Variants in SLCO3A1 observed in about 807,000 individuals in gnomAD.
SLCO3A1 encodes PGE1 transporter.
Under a neutral mutation model 63.1 loss-of-function variants are expected in SLCO3A1, and 27 were observed. The observed-to-expected ratio is 0.43, with a 90% CI of 0.32 to 0.59. The LOEUF is 0.59. SLCO3A1 is among the 20% of genes least tolerant of loss of function. SLCO3A1 has a pLI of 0.09. For missense variants in SLCO3A1, 773 were observed against 945.8 expected (o/e 0.82, Z 2.40); for synonymous variants, 473 against 409.9 (o/e 1.15, Z -1.86).
intron 7 of SLCO3A1, among the ~76,000 whole-genome samples, chr15:92,146,494 C>G (rs751829444): frequency 6.6e-6 from 1 of 152,238 alleles, no homozygotes. Flanking sequence ...TGACTTCACG[C>G]GTGACAGCGT....
Position 91,953,864 on chromosome 15 carries a change from G to A in SLCO3A1, c.646+37406G>A, listed in dbSNP as rs112110916. On this transcript the variant is annotated intron_variant, in intron 2 of 9. Coordinates refer to ENST00000318445, the MANE Select transcript of SLCO3A1 (RefSeq NM_013272.4). Reference sequence around the variant, plus strand: ...ATCCAACAGTGTCTTGTGTTGATTCGTCTTTGGAACTATATCTTCCTTCTG... The same window carrying A: ...ATCCAACAGTGTCTTGTGTTGATTCATCTTTGGAACTATATCTTCCTTCTG... Among the ~76,000 whole-genome samples the A allele has an allele frequency of 3.9e-3, 598 of 152,232 alleles. 7 individuals carry two copies. The highest frequency in any genetic ancestry group is 0.014 in the African/African-American group (578 of 41,532).
rs575682048 is a variant in SLCO3A1, at chr15:91,854,139, C to G, written c.180+51C>G. The G allele has an allele frequency of 1.0e-4, 135 of 1,344,460 alleles. 4 individuals carry two copies. In the South Asian group the frequency reaches 2.2e-3, roughly 22 times the overall value. The allele number at this position is 1,344,460 out of a possible 1,614,324, so 83.3% of individuals were successfully genotyped here. On this transcript the variant is annotated intron_variant, in intron 1 of 9. Coordinates refer to ENST00000318445, the MANE Select transcript of SLCO3A1 (RefSeq NM_013272.4). The surrounding 1 kb of genome is among the most constrained non-coding windows in gnomAD (Gnocchi z 6.4). ...CGGGCCCCTTCCCCAGCCCGGCTCT[C>G]GAGCGGCCGCCTGGCCCGACGAGGG...
rs114569994 is a variant in SLCO3A1 at position 92,067,114 on chromosome 15, C to T, written c.647-27767C>T. Reference sequence around the variant, plus strand: ...GAGGACCAGTCTCACTGATGGCAACCAGGAGGTATGTTTTTGCAGGCCATC... The same window carrying T: ...GAGGACCAGTCTCACTGATGGCAACTAGGAGGTATGTTTTTGCAGGCCATC... On this transcript the variant is annotated intron_variant, in intron 2 of 9. Coordinates refer to ENST00000318445, the MANE Select transcript of SLCO3A1 (RefSeq NM_013272.4). 2.4e-3 allele frequency among the ~76,000 whole-genome samples: 360 copies of T among 152,254 alleles called. 3 individuals are homozygous for T. Among genetic ancestry groups the T allele is most frequent in the African/African-American group, 7.7e-3 (320 of 41,534 alleles).
intron 2 of SLCO3A1, among the ~76,000 whole-genome samples, chr15:91,970,589 G>C (rs1900822891): frequency 6.6e-6 from 1 of 152,172 alleles, no homozygotes; most frequent in Admixed American, 6.5e-5. Context: ...CCAGCTCCCA[G>C]GGACTCACAA....
intron 2 of SLCO3A1, among the ~76,000 whole-genome samples, chr15:91,919,276 G>A (rs560120665): frequency 1.0e-3 from 152 of 152,336 alleles, no homozygotes; most frequent in African/African-American, 3.4e-3. Flanking sequence ...TGGCTGAGCC[G>A]CTGCCAGATT....
Position 91,885,547 on chromosome 15 carries a change from TCA to T in SLCO3A1, c.181-30443_181-30442del, listed in dbSNP as rs142898366. ...TGCTGGGCAGCGGGGCCCAAGATCC[TCA>T]CAGTCTTTTAGGGATGCTTAGAATT... On this transcript the variant is annotated intron_variant, in intron 1 of 9. Transcript: ENST00000318445. The surrounding 1 kb of genome is among the most constrained non-coding windows in gnomAD (Gnocchi z 4.7). 0.066 allele frequency among the ~76,000 whole-genome samples: 9,999 copies of T among 152,292 alleles called. 457 individuals are homozygous for T. Among genetic ancestry groups the T allele is most frequent in the Non-Finnish European group, 0.1 (6,783 of 68,012 alleles).
rs753830023 is a variant in SLCO3A1 at position 92,104,376 on chromosome 15, G to C, written c.843G>C (p.Leu281Phe). 1.7e-5 allele frequency: 27 copies of C among 1,614,132 alleles called. No homozygotes were observed. Among genetic ancestry groups the C allele is most frequent in the Non-Finnish European group, 2.3e-5 (27 of 1,180,034 alleles). ...CCTTACTCTTCTTCTCTTCCCTCTTGATGTTTGGGTTTCCACAGTCCCTGC... is the reference window on the plus strand; with the variant it reads ...CCTTACTCTTCTTCTCTTCCCTCTTCATGTTTGGGTTTCCACAGTCCCTGC... ...CGALLFFSSL[L>F]MFGFPQSLPP... Residue 281 changes from leucine to phenylalanine, a missense_variant, in exon 4 of 10, where the codon TTG becomes TTC. Transcript: ENST00000318445.
chr15:91,874,774 T>C (rs903382766), intron 1 of SLCO3A1, among the ~76,000 whole-genome samples: 1 of 152,240 alleles, frequency 6.6e-6, no homozygotes, highest in Non-Finnish European at 1.5e-5. Context: ...AGGGGTTGGG[T>C]CAGTTGTCAT....
chr15:92,170,354 C>T (rs545294663), downstream of SLCO3A1, among the ~76,000 whole-genome samples: 2 of 152,316 alleles, frequency 1.3e-5, no homozygotes, highest in Admixed American at 1.3e-4. Context: ...TACCCACGTG[C>T]CGGGTTCTGT....
chr15:92,059,279 C>A (rs1313958626), intron 2 of SLCO3A1, among the ~76,000 whole-genome samples: 3 of 152,246 alleles, frequency 2.0e-5, no homozygotes, highest in Non-Finnish European at 4.4e-5. Context: ...CTGTCTGTTT[C>A]CAAGAAGCTG....
chr15:92,072,687 C>A (rs886428547), intron 2 of SLCO3A1, among the ~76,000 whole-genome samples: 1 of 152,136 alleles, frequency 6.6e-6, no homozygotes, highest in African/African-American at 2.4e-5. Context: ...TCTGATAGAT[C>A]CAGGCGTTCC....
intron 8 of SLCO3A1, among the ~76,000 whole-genome samples, chr15:92,150,577 G>A (rs1027200754): frequency 3.3e-5 from 5 of 152,044 alleles, no homozygotes; most frequent in Non-Finnish European, 5.9e-5. Flanking sequence ...TTATTTTCTC[G>A]GTTGATGTTT....
intron 2 of SLCO3A1, among the ~76,000 whole-genome samples, chr15:92,025,256 T>C (rs1050807669): frequency 2.6e-5 from 4 of 152,052 alleles, no homozygotes; most frequent in African/African-American, 9.7e-5. Context: ...AAGAGATTTT[T>C]AAATTCAAGA....
downstream of SLCO3A1, among the ~76,000 whole-genome samples, chr15:92,168,329 G>C (rs573524737): frequency 2.0e-4 from 31 of 152,200 alleles, no homozygotes; most frequent in African/African-American, 7.2e-4. Flanking sequence ...CCCCCAGAGA[G>C]AGCGCCACCA....
chr15:92,082,710 T>C (rs2047361572), intron 2 of SLCO3A1, among the ~76,000 whole-genome samples: 1 of 152,228 alleles, frequency 6.6e-6, no homozygotes, highest in Non-Finnish European at 1.5e-5. Context: ...ATAACCCTTC[T>C]TCCCAGACTC....
intron 4 of SLCO3A1, among the ~76,000 whole-genome samples, chr15:92,105,990 C>T (rs1300259248): frequency 6.6e-6 from 1 of 152,202 alleles, no homozygotes; most frequent in Non-Finnish European, 1.5e-5. Flanking sequence ...CTGTTCCTCA[C>T]CAGCCCTGCG....
chr15:91,860,397 T>C lies in SLCO3A1; in HGVS notation c.180+6309T>C, dbSNP rs1458386926. 6.6e-6 allele frequency among the ~76,000 whole-genome samples: 1 copy of C among 152,244 alleles called. No homozygotes were observed. On this transcript the variant is annotated intron_variant, in intron 1 of 9. Transcript: ENST00000318445. The surrounding 1 kb of genome is among the most constrained non-coding windows in gnomAD (Gnocchi z 5.5). The stretch of plus-strand genomic sequence containing the variant: ...ATAATGATCAAGCTTATCTTACAGA[T>C]GGTTGTGAGGTTTAAACAAATAGTC...
intron 5 of SLCO3A1, among the ~76,000 whole-genome samples, chr15:92,125,196 A>T (rs1388483752): frequency 3.3e-5 from 5 of 152,162 alleles, no homozygotes; most frequent in Admixed American, 3.3e-4. Flanking sequence ...AGGTCTGTTG[A>T]TTGGCAAGAA....
chr15:91,926,299 G>T (rs563611693), intron 2 of SLCO3A1, among the ~76,000 whole-genome samples: 1 of 152,274 alleles, frequency 6.6e-6, no homozygotes, highest in East Asian at 1.9e-4. Context: ...TAACCTGTTG[G>T]CAGGCTTTGT....
Sources: gnomAD v4.1 joint callset for allele counts (sites outside exome capture counted in the v4.1 genomes callset) on GRCh38, gnomAD v4.1.1 for gene constraint, Gnocchi (gnomAD v3.1) non-coding constraint, MANE v1.5 for transcripts, NCBI Gene and HGNC (gene_info 2026-07-23, HGNC 2026-07-21) for gene names.